Variants in COMMD10 observed in about 807,000 individuals in gnomAD.
COMMD10 encodes COMM domain-containing protein 10.
COMMD10 carries 33 observed loss-of-function variants against 28.9 expected under a neutral mutation model. The ratio of observed to expected loss-of-function variants is 1.14; its 90% confidence interval spans 0.87 to 1.53. The LOEUF is 1.53. Ranked by LOEUF, COMMD10 falls within the 40% of genes most tolerant of loss-of-function variation. COMMD10 has a pLI of 0.00. For synonymous variants in COMMD10, 110 were observed against 81.7 expected (o/e 1.35, Z -1.87); for missense variants, 310 against 233.4 (o/e 1.33, Z -2.14).
chr5:116,220,742 T>G (rs868768213), intron 5 of COMMD10, among the ~76,000 whole-genome samples: 13 of 152,290 alleles, frequency 8.5e-5, no homozygotes, highest in Admixed American at 7.8e-4. Context: ...AGTTAATGCT[T>G]TCAAACAACA....
At chr5:116,157,738 A>G (rs915171775) in intron 5 of COMMD10, among the ~76,000 whole-genome samples, 2 of 152,156 alleles carry the variant, frequency 1.3e-5, no homozygotes, top group African/African-American at 2.4e-5. Context: ...CATTTTTGCA[A>G]TTTACCAAAA....
At chr5:116,203,171 G>T (rs79010182) in intron 5 of COMMD10, among the ~76,000 whole-genome samples, 4,441 of 152,112 alleles carry the variant, frequency 0.029, 103 homozygotes, top group East Asian at 0.14. Context: ...GAAATGAAGC[G>T]AGAAGGAAAG....
At chr5:116,280,063 C>G (rs1378188357) in intron 5 of COMMD10, among the ~76,000 whole-genome samples, 8 of 151,798 alleles carry the variant, frequency 5.3e-5, no homozygotes, top group Non-Finnish European at 1.2e-4. Flanking sequence ...ACATGTTTCA[C>G]TTTTATGTAT....
At chr5:116,260,521 C>T (rs1242761326) in intron 5 of COMMD10, among the ~76,000 whole-genome samples, 3 of 151,740 alleles carry the variant, frequency 2.0e-5, no homozygotes, top group Non-Finnish European at 4.4e-5. Context: ...CTTGTAAATT[C>T]TAACTTAACC....
At chr5:116,255,253 A>T (rs10054248) in intron 5 of COMMD10, among the ~76,000 whole-genome samples, 1 of 151,480 alleles carries the variant, frequency 6.6e-6, no homozygotes, top group Non-Finnish European at 1.5e-5. Flanking sequence ...TCTTTATCCA[A>T]TTTGCCAGTC....
chr5:116,210,781 T>C (rs1748944524), intron 5 of COMMD10, among the ~76,000 whole-genome samples: 1 of 152,152 alleles, frequency 6.6e-6, no homozygotes, highest in African/African-American at 2.4e-5. Context: ...CAAGTGTTTA[T>C]AGTGTTAGGA....
chr5:116,166,358 G>T (rs777959663), intron 5 of COMMD10, among the ~76,000 whole-genome samples: 10 of 152,126 alleles, frequency 6.6e-5, no homozygotes, highest in Non-Finnish European at 1.2e-4. Context: ...ATTTTTTTCA[G>T]GATAATTGGA....
chr5:116,272,775 G>A (rs1463812163), intron 5 of COMMD10, among the ~76,000 whole-genome samples: 2 of 151,850 alleles, frequency 1.3e-5, no homozygotes, highest in Non-Finnish European at 2.9e-5. Flanking sequence ...CTAGTGGACA[G>A]TTTGCTGAAC....
chr5:116,234,415 T>TTC (rs1165406355), intron 5 of COMMD10, among the ~76,000 whole-genome samples: 10 of 152,258 alleles, frequency 6.6e-5, no homozygotes, highest in African/African-American at 2.4e-4. Context: ...GAATAATTAT[T>TTC]AGCACAAGGT....
rs1402741829 is a variant in COMMD10 at position 116,285,457 on chromosome 5, G to A, written c.511-6060G>A. Among the ~76,000 whole-genome samples, 6 of 151,970 alleles carry A rather than the reference G, an allele frequency of 3.9e-5. No homozygotes were observed. In the East Asian group the frequency reaches 1.2e-3, roughly 29 times the overall value. On this transcript the variant is annotated intron_variant, in intron 5 of 6. Transcript: ENST00000274458. Reference sequence around the variant, plus strand: ...AACTGCCCTGGGCCACCCCTTGGAAGACTATGGAGTATATGCTGTCTACAA... The same window carrying A: ...AACTGCCCTGGGCCACCCCTTGGAAAACTATGGAGTATATGCTGTCTACAA...
chr5:116,289,193 C>T (rs1751298855), intron 5 of COMMD10, among the ~76,000 whole-genome samples: 1 of 151,684 alleles, frequency 6.6e-6, no homozygotes, highest in African/African-American at 2.4e-5. Context: ...TCTTTTAGCT[C>T]ATTAAACATC....
intron 5 of COMMD10, among the ~76,000 whole-genome samples, chr5:116,264,588 A>G (rs1750534558): frequency 6.6e-6 from 1 of 151,880 alleles, no homozygotes; most frequent in African/African-American, 2.4e-5. Context: ...TAATTTGAAA[A>G]CAGAAGCCTG....
At chr5:116,285,432 A>C (rs1053346349) in intron 5 of COMMD10, among the ~76,000 whole-genome samples, 1 of 151,846 alleles carries the variant, frequency 6.6e-6, no homozygotes, top group Non-Finnish European at 1.5e-5. Flanking sequence ...CCCACAAAAC[A>C]ACTGCCCTGG....
rs373229637 is a variant in COMMD10 at position 116,213,393 on chromosome 5, C to T, written c.511-78124C>T. On this transcript the variant is annotated intron_variant, in intron 5 of 6. Transcript: ENST00000274458. ...GGGTCTCAGCAAAATGATAAATTAG[C>T]ATAGACCCTGGACCTCTGGGTCATG... Among the ~76,000 whole-genome samples the T allele has an allele frequency of 1.6e-3, 236 of 152,178 alleles. 4 individuals carry two copies. The South Asian group carries it at 0.033, about 21-fold the overall frequency.
intron 5 of COMMD10, among the ~76,000 whole-genome samples, chr5:116,179,437 C>A (rs775433315): frequency 6.6e-6 from 1 of 152,042 alleles, no homozygotes; most frequent in Non-Finnish European, 1.5e-5. Flanking sequence ...GGTACTCTTT[C>A]CATTCGTAAA....
At chr5:116,122,296 G>C (rs1211492741) in intron 4 of COMMD10, among the ~76,000 whole-genome samples, 1 of 151,900 alleles carries the variant, frequency 6.6e-6, no homozygotes, top group South Asian at 2.1e-4. Context: ...GGTTGTAGAT[G>C]TGTGGTGTTA....
intron 5 of COMMD10, among the ~76,000 whole-genome samples, chr5:116,170,018 G>A (rs960365004): frequency 6.6e-6 from 1 of 152,046 alleles, no homozygotes; most frequent in Non-Finnish European, 1.5e-5. Context: ...AAAATAAAGG[G>A]TATTCAAATA....
intron 5 of COMMD10, among the ~76,000 whole-genome samples, chr5:116,285,812 T>C (rs1306433975): frequency 1.3e-5 from 2 of 151,868 alleles, no homozygotes; most frequent in Non-Finnish European, 2.9e-5. Context: ...TACTTACGGA[T>C]ATTGGTCTGT....
chr5:116,176,093 G>T (rs929888767), intron 5 of COMMD10, among the ~76,000 whole-genome samples: 1 of 152,062 alleles, frequency 6.6e-6, no homozygotes, highest in South Asian at 2.1e-4. Context: ...CATTCACCTT[G>T]TTGGCTTTTT....
Sources: gnomAD v4.1 joint callset for allele counts (sites outside exome capture counted in the v4.1 genomes callset) on GRCh38, gnomAD v4.1.1 for gene constraint, MANE v1.5 for transcripts, NCBI Gene and HGNC (gene_info 2026-07-23, HGNC 2026-07-21) for gene names.